CNTNAP2: variants seen among roughly 807,000 people sequenced by gnomAD.
CNTNAP2 encodes contactin-associated protein-like 2.
CNTNAP2 carries 98 observed loss-of-function variants against 155.2 expected under a neutral mutation model. The observed-to-expected ratio is 0.63, with a 90% CI of 0.54 to 0.75. The LOEUF (loss-of-function observed/expected upper bound fraction) is 0.75. CNTNAP2 is among the 30% of genes least tolerant of loss of function. The probability of loss-of-function intolerance (pLI) is 0.00; values close to 1 mark genes in which losing one functional copy is unlikely to be tolerated. For synonymous variants in CNTNAP2, 651 were observed against 631.2 expected (o/e 1.03, Z -0.47); for missense variants, 1,727 against 1,688.1 (o/e 1.02, Z -0.40).
intron 4 of CNTNAP2, among the ~76,000 whole-genome samples, chr7:147,045,251 G>C (rs1277814624): frequency 6.6e-6 from 1 of 152,030 alleles, no homozygotes. Flanking sequence ...CCACAAAAAT[G>C]AGTTCACACT....
At chr7:147,466,179 A>C (rs1330944689) in intron 10 of CNTNAP2, among the ~76,000 whole-genome samples, 1 of 152,206 alleles carries the variant, frequency 6.6e-6, no homozygotes. Flanking sequence ...ATTGAAGGAA[A>C]AAAGGGCCTG....
chr7:147,296,486 G>A (rs1805447737), intron 8 of CNTNAP2, among the ~76,000 whole-genome samples: 2 of 152,090 alleles, frequency 1.3e-5, no homozygotes, highest in South Asian at 4.1e-4. Context: ...TATCTGTGTT[G>A]TTCTTCAGAA....
chr7:147,580,223 AAAG>A (rs1459945329), intron 12 of CNTNAP2, among the ~76,000 whole-genome samples: 2 of 152,132 alleles, frequency 1.3e-5, no homozygotes, highest in African/African-American at 4.8e-5. Context: ...TCCTTCCCTC[AAAG>A]AAGACAAGCT....
chr7:147,373,330 A>C (rs113911941), intron 9 of CNTNAP2, among the ~76,000 whole-genome samples: 125 of 152,204 alleles, frequency 8.2e-4, no homozygotes, highest in African/African-American at 2.8e-3. Flanking sequence ...ATTATCAAAA[A>C]ATGTCTGTCT....
Position 146,118,491 on chromosome 7 carries a change from G to C in CNTNAP2, c.97+1518G>C, listed in dbSNP as rs139342375. ...ATTTCTGTTTCCATTTCAAGGTCTG[G>C]TTGTATAGAATTTCCTGCCACTTTT... On this transcript the variant is annotated intron_variant, in intron 1 of 23. Coordinates refer to ENST00000361727, the MANE Select transcript of CNTNAP2 (RefSeq NM_014141.6). Among the ~76,000 whole-genome samples, 835 of 152,098 alleles carry C rather than the reference G, an allele frequency of 5.5e-3. 10 individuals carry two copies. Among genetic ancestry groups the C allele is most frequent in the African/African-American group, 0.019 (784 of 41,494 alleles).
chr7:147,184,821 T>C (rs1802531311), intron 8 of CNTNAP2, among the ~76,000 whole-genome samples: 1 of 152,136 alleles, frequency 6.6e-6, no homozygotes, highest in South Asian at 2.1e-4. Context: ...AAAGAACATG[T>C]TGGGAAAATT....
intron 3 of CNTNAP2, among the ~76,000 whole-genome samples, chr7:147,028,618 T>C (rs187059903): frequency 2.0e-5 from 3 of 152,330 alleles, no homozygotes; most frequent in Non-Finnish European, 4.4e-5. Flanking sequence ...AGTTGGGTAG[T>C]AGACTGTGGC....
intron 15 of CNTNAP2, among the ~76,000 whole-genome samples, chr7:147,996,818 G>C (rs973146581): frequency 2.6e-5 from 4 of 152,088 alleles, no homozygotes; most frequent in African/African-American, 9.7e-5. Context: ...TGAACAAAAG[G>C]CTCAATCAGT....
chr7:147,389,921 A>G (rs1413873788), intron 9 of CNTNAP2, among the ~76,000 whole-genome samples: 1 of 152,152 alleles, frequency 6.6e-6, no homozygotes, highest in Non-Finnish European at 1.5e-5. Flanking sequence ...TTTCCATTTT[A>G]TAGCTATTCA....
chr7:147,364,664 A>G (rs1796195861), intron 9 of CNTNAP2, among the ~76,000 whole-genome samples: 1 of 152,160 alleles, frequency 6.6e-6, no homozygotes, highest in African/African-American at 2.4e-5. Context: ...CCTGGCTAAC[A>G]CGGTGAAACC....
intron 14 of CNTNAP2, among the ~76,000 whole-genome samples, chr7:147,961,672 T>A (rs549509636): frequency 2.6e-5 from 4 of 152,324 alleles, no homozygotes; most frequent in African/African-American, 9.6e-5. Context: ...AGATTAGTTA[T>A]TCCCAGTAGA....
intron 13 of CNTNAP2, among the ~76,000 whole-genome samples, chr7:147,873,866 T>A (rs538104614): frequency 6.6e-6 from 1 of 152,196 alleles, no homozygotes; most frequent in South Asian, 2.1e-4. Flanking sequence ...ATTGGGTAAA[T>A]ACACCCATTC....
At chr7:147,079,741 TA>T (rs1347476192) in intron 4 of CNTNAP2, among the ~76,000 whole-genome samples, 5 of 152,082 alleles carry the variant, frequency 3.3e-5, no homozygotes, top group African/African-American at 1.2e-4. Context: ...AAATGGAGTA[TA>T]TAATCTGTGT....
chr7:147,076,899 C>G (rs1034223179), intron 4 of CNTNAP2, among the ~76,000 whole-genome samples: 17 of 152,066 alleles, frequency 1.1e-4, no homozygotes, highest in African/African-American at 3.1e-4. Context: ...TTTAAAATAG[C>G]TACTTCTCTT....
chr7:146,841,291 A>G lies in CNTNAP2; in HGVS notation c.402+1387A>G, dbSNP rs537243700. ...TAGAGGAAGTATATGCTGAAAATGAAGAGGAGAACAGAAAATTTGAAAGAG... is the reference window on the plus strand; with the variant it reads ...TAGAGGAAGTATATGCTGAAAATGAGGAGGAGAACAGAAAATTTGAAAGAG... On this transcript the variant is annotated intron_variant, in intron 3 of 23. Transcript: ENST00000361727. 2.5e-5 allele frequency among the ~76,000 whole-genome samples: 3 copies of G among 120,232 alleles called. No homozygotes were observed. The South Asian group carries it at 6.5e-4, about 26-fold the overall frequency. 78.9% of individuals were successfully genotyped at this position (120,232 alleles called of 152,430 possible). A position where few individuals can be genotyped will look rare whatever the true frequency, so the allele number is the denominator to read the frequency against.
intron 1 of CNTNAP2, among the ~76,000 whole-genome samples, chr7:146,469,636 T>A (rs1796765229): frequency 6.6e-6 from 1 of 151,318 alleles, no homozygotes; most frequent in Non-Finnish European, 1.5e-5. Context: ...GATTATCATG[T>A]CTTAGCCTCC....
At chr7:147,834,933 C>A (rs1798611041) in intron 13 of CNTNAP2, among the ~76,000 whole-genome samples, 1 of 152,144 alleles carries the variant, frequency 6.6e-6, no homozygotes, top group Non-Finnish European at 1.5e-5. Flanking sequence ...TATAATTCAA[C>A]TGAATCAGAA....
intron 1 of CNTNAP2, among the ~76,000 whole-genome samples, chr7:146,137,563 A>G (rs868498648): frequency 6.6e-6 from 1 of 152,126 alleles, no homozygotes; most frequent in Non-Finnish European, 1.5e-5. Flanking sequence ...TGTTATTTAC[A>G]AATTATAATT....
At chr7:147,841,394 C>G (rs898717285) in intron 13 of CNTNAP2, among the ~76,000 whole-genome samples, 1 of 152,120 alleles carries the variant, frequency 6.6e-6, no homozygotes, top group Non-Finnish European at 1.5e-5. Flanking sequence ...TGTGTGAGAA[C>G]TGACTAGATA....
Sources: gnomAD v4.1 joint callset for allele counts (sites outside exome capture counted in the v4.1 genomes callset) on GRCh38, gnomAD v4.1.1 for gene constraint, MANE v1.5 for transcripts, NCBI Gene and HGNC (gene_info 2026-07-23, HGNC 2026-07-21) for gene names.